TKT: variants seen among roughly 807,000 people sequenced by gnomAD.
TKT encodes transketolase.
A neutral mutation model predicts 63.9 loss-of-function variants in TKT; 47 were observed. That is an observed-to-expected ratio of 0.74 (90% CI 0.58 to 0.94). TKT has a LOEUF of 0.94. TKT is among the 40% of genes least tolerant of loss of function. TKT has a pLI of 0.00. For synonymous variants in TKT, 338 were observed against 334.1 expected, an observed-to-expected ratio of 1.01 and a Z score of -0.13; for missense variants, 721 against 846.2, an observed-to-expected ratio of 0.85 and a Z score of 1.84.
intron 5 of TKT, 43 bp downstream of exon 5, chr3:53,234,940 C>T: frequency 6.4e-7 from 1 of 1,554,616 alleles, no homozygotes; most frequent in Middle Eastern, 1.8e-4. Context: ...ACAGACCACT[C>T]TCCCGTGCTG....
At chr3:53,231,582 G>A (rs781940804) in intron 6 of TKT, 32 bp from the exon 7 acceptor site, 1 of 1,589,260 alleles carries the variant, frequency 6.3e-7, no homozygotes, top group South Asian at 1.1e-5. Flanking sequence ...ACAGAGGAAT[G>A]GGTAAGACAG....
intron 1 of TKT, among the ~76,000 whole-genome samples, chr3:53,245,659 C>T (rs1705474101): frequency 6.6e-6 from 1 of 152,038 alleles, no homozygotes; most frequent in South Asian, 2.1e-4. Flanking sequence ...GTGGCACATG[C>T]CTATAATCCC....
At chr3:53,225,973 G>A in intron 13 of TKT, 42 bp from the exon 14 acceptor site, 1 of 1,574,314 alleles carries the variant, frequency 6.4e-7, no homozygotes, top group African/African-American at 1.3e-5. Context: ...AGGCCTCAGG[G>A]TGAGCAGTGG....
At position 53,229,292 on chromosome 3, in the gene TKT, C is replaced by T; in HGVS notation, c.1252G>A (p.Gly418Ser). 1.2e-6 allele frequency: 2 copies of T among 1,613,952 alleles called. No individual in the cohort carries two copies. Among genetic ancestry groups the T allele is most frequent in the Non-Finnish European group, 1.7e-6 (2 of 1,179,936 alleles). Residue 418 changes from glycine (G) to serine (S), a missense_variant, in exon 9 of 14, where the codon GGC becomes AGC. By Grantham distance (56) the Gly-to-Ser change is moderately conservative (BLOSUM62 0). Coordinates refer to ENST00000462138, the MANE Select transcript of TKT (RefSeq NM_001064.4). ...SNINLCGSHC[G>S]VSIGEDGPSQ... ...TGGCTAAACTCACCGATGGAAACGC[C>T]GCAGTGGGAGCCGCAGAGGTTGATG...
chr3:53,225,722 T>G lies in TKT; in HGVS notation c.*34A>C. On this transcript the variant is annotated 3_prime_UTR_variant, in exon 14 of 14. Transcript: ENST00000462138. ...AGCACCTTTCCCAGAATCTCAGGAA[T>G]GTATAGACCCCCGCCCCACACTTCA... 1 of 1,540,704 alleles carries G rather than the reference T, an allele frequency of 6.5e-7. No homozygotes were observed. The highest frequency in any genetic ancestry group is 8.8e-7 in the Non-Finnish European group (1 of 1,135,046).
At position 53,225,557 on chromosome 3, in the gene TKT, A is replaced by T. The variant is rs1351305137; in HGVS notation, c.*199T>A. 9 of 543,168 alleles carry T rather than the reference A, an allele frequency of 1.7e-5. No homozygotes were observed. Among genetic ancestry groups the T allele is most frequent in the Non-Finnish European group, 2.4e-5 (8 of 333,342 alleles). The allele number at this position is 543,168 out of a possible 1,614,324, so 33.6% of individuals were successfully genotyped here. On this transcript the variant is annotated 3_prime_UTR_variant, in exon 14 of 14. Coordinates refer to ENST00000462138, the MANE Select transcript of TKT (RefSeq NM_001064.4). ...CCCAGGTCCTGGCCCAGGACCAAGG[A>T]CACCAGCCTCCCTAGCGCACCCTCC...
At chr3:53,243,379 C>G (rs547179792) in intron 1 of TKT, among the ~76,000 whole-genome samples, 1 of 152,180 alleles carries the variant, frequency 6.6e-6, no homozygotes, top group South Asian at 2.1e-4. Flanking sequence ...GTCCTTCACA[C>G]GAAGACACGC....
intron 1 of TKT, among the ~76,000 whole-genome samples, chr3:53,246,708 C>T (rs1473985830): frequency 6.6e-6 from 1 of 151,628 alleles, no homozygotes; most frequent in Admixed American, 6.6e-5. Flanking sequence ...CAAAATTAGC[C>T]GGGCATGTGG....
chr3:53,239,347 A>G (rs1448359274), intron 4 of TKT, among the ~76,000 whole-genome samples: 1 of 152,132 alleles, frequency 6.6e-6, no homozygotes, highest in Non-Finnish European at 1.5e-5. Context: ...CTCGCTCTGT[A>G]GCCCAGGCTA....
In TKT at chr3:53,230,498, G is replaced by A; in HGVS notation, c.1066C>T (p.Pro356Ser). 2 of 1,614,194 alleles carry A rather than the reference G, an allele frequency of 1.2e-6. No homozygotes were observed. Among genetic ancestry groups the A allele is most frequent in the Middle Eastern group, 1.6e-4 (1 of 6,062 alleles). The change falls in exon 8 of 14, where the codon CCG becomes TCG. Residue 356 changes from proline (P) to serine (S), a missense_variant. Pro to Ser is a moderately conservative substitution (Grantham distance 74, BLOSUM62 -1). Coordinates refer to ENST00000462138, the MANE Select transcript of TKT (RefSeq NM_001064.4). Reference sequence around the variant, plus strand: ...ATGTAGCACTCGATGAAGCGGTCCGGGTGCTCCTTTTTGAAGATCTCCGAG... The same window carrying A: ...ATGTAGCACTCGATGAAGCGGTCCGAGTGCTCCTTTTTGAAGATCTCCGAG... ...TFSEIFKKEH[P>S]DRFIECYIAE...
At position 53,228,160 on chromosome 3, in the gene TKT, C is replaced by T. The variant is rs1704581362; in HGVS notation, c.1480-11G>A. ...GCTCTTCAGGACCACCTGGGGGTGACACAGAGGGTGAGTAAGGCTCAGGGC... is the reference window on the plus strand; with the variant it reads ...GCTCTTCAGGACCACCTGGGGGTGATACAGAGGGTGAGTAAGGCTCAGGGC... On this transcript the variant is annotated splice_polypyrimidine_tract_variant and intron_variant, in intron 11 of 13. Coordinates refer to ENST00000462138, the MANE Select transcript of TKT (RefSeq NM_001064.4). The T allele has an allele frequency of 5.6e-6, 9 of 1,614,040 alleles. No homozygotes were observed. Among genetic ancestry groups the T allele is most frequent in the Non-Finnish European group, 7.6e-6 (9 of 1,179,968 alleles).
At chr3:53,234,928 T>C in intron 5 of TKT, 55 bp downstream of exon 5, 1 of 1,529,936 alleles carries the variant, frequency 6.5e-7, no homozygotes, top group Non-Finnish European at 8.8e-7. Flanking sequence ...AAAGCTGTGA[T>C]CACAGACCAC....
In TKT at chr3:53,242,236, G is replaced by A. The variant is rs781921328; in HGVS notation, c.114C>T (p.Pro38=). 2 of 1,613,886 alleles carry A rather than the reference G, an allele frequency of 1.2e-6. No individual in the cohort carries two copies. The highest frequency in any genetic ancestry group is 1.7e-6 in the Non-Finnish European group (2 of 1,179,958). The change falls in exon 2 of 14, where the codon CCC becomes CCT. Residue 38 remains proline (P), a synonymous_variant. Transcript: ENST00000462138. ...QATTAAGSGH[P]TSCCSAAEIM... is the part of the protein sequence containing the mutation. ...TCTCTGCGGCGCTGCAGCATGACGT[G>A]GGGTGGCTGTGGCCCAGGAGAGAAG...
Position 53,231,554 on chromosome 3 carries a change from C to T in TKT, c.749-4G>A, listed in dbSNP as rs370982974. 20 of 1,612,704 alleles carry T rather than the reference C, an allele frequency of 1.2e-5. No homozygotes were observed. In the South Asian group the frequency reaches 2.0e-4, roughly 16 times the overall value. On this transcript the variant is annotated splice_region_variant and splice_polypyrimidine_tract_variant and intron_variant, in intron 6 of 13. Coordinates refer to ENST00000462138, the MANE Select transcript of TKT (RefSeq NM_001064.4). ...CAAGACTCCTTATCTTCTACCCCTG[C>T]AGACCCAACACGGGAGGACAGAGGA...
At chr3:53,236,703 G>A (rs573781195) in intron 4 of TKT, among the ~76,000 whole-genome samples, 1 of 152,320 alleles carries the variant, frequency 6.6e-6, no homozygotes, top group Admixed American at 6.5e-5. Context: ...CCCACTTCCA[G>A]GGAAGTCGAA....
chr3:53,235,543 G>T (rs540465938), intron 4 of TKT: 1 of 165,510 alleles, frequency 6.0e-6, no homozygotes, highest in Non-Finnish European at 1.3e-5. Flanking sequence ...TGCTGCAGGG[G>T]ACAGACCCCG....
At chr3:53,233,338 A>T in intron 5 of TKT, 64 bp from the exon 6 acceptor site, 2 of 1,372,178 alleles carry the variant, frequency 1.5e-6, no homozygotes, top group Non-Finnish European at 2.0e-6. Flanking sequence ...GGAGCCTTCC[A>T]GGGAAAGGTC....
At chr3:53,231,613 G>C in intron 6 of TKT, 63 bp from the exon 7 acceptor site, 1 of 1,523,034 alleles carries the variant, frequency 6.6e-7, no homozygotes, top group Non-Finnish European at 8.9e-7. Flanking sequence ...AGGGCCAGGA[G>C]GCTGCTCCAG....
intron 6 of TKT, 152 bp from the exon 7 acceptor site, chr3:53,231,702 G>A (rs976861350): frequency 1.3e-6 from 1 of 743,236 alleles, no homozygotes; most frequent in Non-Finnish European, 2.2e-6. Context: ...AGGCACGGGG[G>A]CCAGGAAAGG....
Sources: allele counts gnomAD v4.1 joint callset (sites outside exome capture counted in the v4.1 genomes callset), GRCh38; gene constraint gnomAD v4.1.1; transcripts MANE v1.5; gene names NCBI Gene and HGNC (gene_info 2026-07-23, HGNC 2026-07-21).